ADD1: variants seen among roughly 807,000 people sequenced by gnomAD.
ADD1 encodes alpha-adducin.
Under a neutral mutation model 80.5 loss-of-function variants are expected in ADD1, and 24 were observed. The observed-to-expected ratio is 0.30, with a 90% CI of 0.22 to 0.42. ADD1 has a LOEUF of 0.42. ADD1 is among the 10% of genes least tolerant of loss of function. The pLI is 1.00. For synonymous variants in ADD1, 373 were observed against 393.8 expected, an observed-to-expected ratio of 0.95 and a Z score of 0.63; for missense variants, 948 against 1,019.0, an observed-to-expected ratio of 0.93 and a Z score of 0.95.
intron 9 of ADD1, chr4:2,902,476 T>C (rs7664801): frequency 0.21 from 31,909 of 152,198 alleles, 3,568 homozygotes; most frequent in East Asian, 0.48. Flanking sequence ...CGATGGCTGA[T>C]GCCTGTCATC....
intron 1 of ADD1, among the ~76,000 whole-genome samples, chr4:2,875,005 T>C (rs1053200333): frequency 2.0e-5 from 3 of 152,202 alleles, no homozygotes; most frequent in African/African-American, 4.8e-5. Context: ...GGTGAGAGGA[T>C]TGCTTGAGGC....
At position 2,894,664 on chromosome 4, in the gene ADD1, C is replaced by T; in HGVS notation, c.674C>T (p.Ser225Phe). The T allele has an allele frequency of 3.7e-6, 6 of 1,608,836 alleles. No individual in the cohort carries two copies. Among genetic ancestry groups the T allele is most frequent in the Non-Finnish European group, 5.1e-6 (6 of 1,178,560 alleles). Residue 225 changes from serine to phenylalanine, a missense_variant, in exon 6 of 16, where the codon TCT (serine) becomes TTT (phenylalanine). Ser to Phe is a radical substitution (Grantham distance 155). Coordinates refer to ENST00000683351, the MANE Select transcript of ADD1 (RefSeq NM_001354761.2). ...AATCAGGCCGGCTTCACCTTACACT[C>T]TGCAATTTATGCTGCACGCCCGGAC... ...GVNQAGFTLH[S>F]AIYAARPDVK... is the part of the protein sequence containing the mutation.
intron 14 of ADD1, among the ~76,000 whole-genome samples, chr4:2,922,873 T>C (rs1167887665): frequency 6.6e-6 from 1 of 152,240 alleles, no homozygotes; most frequent in Non-Finnish European, 1.5e-5. Flanking sequence ...CTGGCTACAG[T>C]GGCTTTGCAT....
chr4:2,906,854 T>A (rs1009164193), intron 10 of ADD1, among the ~76,000 whole-genome samples: 3 of 152,338 alleles, frequency 2.0e-5, no homozygotes, highest in Non-Finnish European at 4.4e-5. Context: ...TTGCTTTTTT[T>A]AAAGTCGTAT....
At chr4:2,906,406 C>T (rs886888656) in intron 10 of ADD1, among the ~76,000 whole-genome samples, 6 of 150,202 alleles carry the variant, frequency 4.0e-5, no homozygotes, top group Non-Finnish European at 7.4e-5. Context: ...AAAAAAAAAA[C>T]CCCAAAACAC....
chr4:2,913,048 G>A (rs1487810341), intron 13 of ADD1, among the ~76,000 whole-genome samples: 2 of 151,850 alleles, frequency 1.3e-5, no homozygotes, highest in Non-Finnish European at 2.9e-5. Flanking sequence ...GGTTTTCGCT[G>A]TGTTGGCCAG....
intron 14 of ADD1, among the ~76,000 whole-genome samples, chr4:2,920,657 C>CTTTTTTTTTTTT (rs55649630): frequency 4.4e-5 from 6 of 136,530 alleles, no homozygotes; most frequent in African/African-American, 1.1e-4. Flanking sequence ...GCAACTCCTG[C>CTTTTTTTTTTTT]TTTTTTTTTT....
At chr4:2,883,320 T>G (rs993129750) in intron 3 of ADD1, among the ~76,000 whole-genome samples, 3 of 152,030 alleles carry the variant, frequency 2.0e-5, no homozygotes, top group Non-Finnish European at 2.9e-5. Context: ...ACAATTAGTT[T>G]TTTTTTTTTT....
chr4:2,865,442 C>T (rs926372724), intron 1 of ADD1, among the ~76,000 whole-genome samples: 3 of 152,168 alleles, frequency 2.0e-5, no homozygotes, highest in Admixed American at 6.5e-5. Context: ...TCAGCCTTTG[C>T]GTGTACAGAA....
chr4:2,876,127 T>C lies in ADD1; in HGVS notation c.195+17T>C. 3 of 1,605,816 alleles carry C rather than the reference T, an allele frequency of 1.9e-6. No individual in the cohort carries two copies. Among genetic ancestry groups the C allele is most frequent in the Non-Finnish European group, 2.6e-6 (3 of 1,176,236 alleles). On this transcript the variant is annotated intron_variant, in intron 2 of 15. Coordinates refer to ENST00000683351, the MANE Select transcript of ADD1 (RefSeq NM_001354761.2). ...CAAAGCCCTGTGAGAAGAGAAGTCT[T>C]TTCTCTGACCAGATGTCATCTTTCC... is the stretch of plus-strand genomic sequence containing the variant.
chr4:2,852,256 T>TC (rs1224662304), intron 1 of ADD1, among the ~76,000 whole-genome samples: 2 of 148,330 alleles, frequency 1.3e-5, no homozygotes, highest in African/African-American at 5.0e-5. Flanking sequence ...TCTCTTTCTT[T>TC]CTTTCCTTCC....
intron 1 of ADD1, among the ~76,000 whole-genome samples, chr4:2,869,326 C>T (rs978272081): frequency 3.3e-5 from 5 of 152,154 alleles, no homozygotes; most frequent in Non-Finnish European, 1.5e-5. Context: ...GTCGGCAGTC[C>T]TTGGCGTTTC....
intron 1 of ADD1, among the ~76,000 whole-genome samples, chr4:2,869,170 G>GT (rs1220009494): frequency 6.6e-6 from 1 of 152,110 alleles, no homozygotes; most frequent in Non-Finnish European, 1.5e-5. Flanking sequence ...TAGAGCTGCT[G>GT]TAACAAAGTG....
At chr4:2,860,396 G>A (rs908023375) in intron 1 of ADD1, among the ~76,000 whole-genome samples, 1 of 152,194 alleles carries the variant, frequency 6.6e-6, no homozygotes, top group Non-Finnish European at 1.5e-5. Context: ...TGTGAGTGGC[G>A]AACTTGTGAG....
chr4:2,884,755 A>G lies in ADD1; in HGVS notation c.510+89A>G, dbSNP rs1732968869. ...TTTCCATTTAGGAGAAGAGGGAAGC[A>G]GGCTGAGCTTCAGTAAGTCTTGGAA... On this transcript the variant is annotated intron_variant, in intron 4 of 15. Coordinates refer to ENST00000683351, the MANE Select transcript of ADD1 (RefSeq NM_001354761.2). 2.1e-6 allele frequency: 3 copies of G among 1,414,458 alleles called. No homozygotes were observed. The South Asian group carries it at 4.5e-5, about 21-fold the overall frequency. The allele number at this position is 1,414,458 out of a possible 1,614,324, so 87.6% of individuals were successfully genotyped here. A position where few individuals can be genotyped will look rare whatever the true frequency, so the allele number is the denominator to read the frequency against.
intron 1 of ADD1, among the ~76,000 whole-genome samples, chr4:2,856,401 C>A (rs569053450): frequency 6.6e-6 from 1 of 151,820 alleles, no homozygotes; most frequent in African/African-American, 2.4e-5. Flanking sequence ...TTTATTTTGG[C>A]CTTGGCTATT....
rs137935325 is a variant in ADD1, at chr4:2,883,661, G to A, written c.359-854G>A. ...GGATCCTCCATGCCTTCCATGCCTG[G>A]CTAATTTTTCTCTTTTCTTTTTTTT... On this transcript the variant is annotated intron_variant, in intron 3 of 15. Transcript: ENST00000683351. Among the ~76,000 whole-genome samples the A allele has an allele frequency of 2.6e-5, 4 of 151,872 alleles. No individual in the cohort carries two copies. The South Asian group carries it at 8.3e-4, about 32-fold the overall frequency.
intron 1 of ADD1, among the ~76,000 whole-genome samples, chr4:2,860,294 G>A (rs978646924): frequency 2.0e-5 from 3 of 152,152 alleles, no homozygotes; most frequent in Non-Finnish European, 4.4e-5. Context: ...TTTGGGAATT[G>A]ACGTGATTTT....
At chr4:2,907,880 T>A in intron 11 of ADD1, 36 bp downstream of exon 11, 1 of 1,564,250 alleles carries the variant, frequency 6.4e-7, no homozygotes, top group Non-Finnish European at 8.8e-7. Flanking sequence ...GGGGCTTGGG[T>A]GTGGGATTGG....
Sources: gnomAD v4.1 joint callset for allele counts (sites outside exome capture counted in the v4.1 genomes callset) on GRCh38, gnomAD v4.1.1 for gene constraint, MANE v1.5 for transcripts, NCBI Gene and HGNC (gene_info 2026-07-23, HGNC 2026-07-21) for gene names.